Variants in ZNF569 observed in about 807,000 individuals in gnomAD.
ZNF569 encodes the protein DNA-binding protein.
ZNF569 carries 38 observed loss-of-function variants against 56.3 expected under a neutral mutation model. The observed-to-expected ratio is 0.68, with a 90% confidence interval of 0.52 to 0.88. ZNF569 has a LOEUF of 0.88. Among genes scored for constraint, ZNF569 ranks in the 40% least tolerant of loss-of-function variants. The pLI is 0.00. For missense variants in ZNF569, 666 were observed against 809.2 expected, an observed-to-expected ratio of 0.82 and a Z score of 2.15; for synonymous variants, 241 against 262.9, an observed-to-expected ratio of 0.92 and a Z score of 0.81.
At chr19:37,463,987 A>C (rs1484463431) in intron 2 of ZNF569, among the ~76,000 whole-genome samples, 2 of 152,186 alleles carry the variant, frequency 1.3e-5, no homozygotes, top group African/African-American at 4.8e-5. Flanking sequence ...AAAAAATTTA[A>C]AAGTTCATGA....
chr19:37,425,983 T>A lies in ZNF569; in HGVS notation c.143-20A>T. 2 of 1,612,256 alleles carry A rather than the reference T, an allele frequency of 1.2e-6. No homozygotes were observed. Among genetic ancestry groups the A allele is most frequent in the Non-Finnish European group, 1.7e-6 (2 of 1,178,528 alleles). ...GATAGCCTGTCAAAGGGAAGTTACA[T>A]AGATTTGGGCATACATACTAGGAAC... On this transcript the variant is annotated intron_variant, in intron 4 of 5. Transcript: ENST00000316950.
chr19:37,459,319 G>C (rs556826055), intron 2 of ZNF569, among the ~76,000 whole-genome samples: 65 of 151,722 alleles, frequency 4.3e-4, no homozygotes, highest in African/African-American at 1.5e-3. Context: ...AAGGAACCCA[G>C]AGAAAAGTAA....
intron 5 of ZNF569, chr19:37,425,663 C>A: frequency 2.3e-6 from 1 of 426,066 alleles, no homozygotes; most frequent in African/African-American, 2.0e-5. Context: ...TGAGGTCTCA[C>A]TATGTTGCCC....
intron 2 of ZNF569, among the ~76,000 whole-genome samples, chr19:37,456,839 G>T (rs568328648): frequency 6.6e-6 from 1 of 151,716 alleles, no homozygotes; most frequent in South Asian, 2.1e-4. Flanking sequence ...ATGGTGGCAG[G>T]CGCCTGTAAT....
chr19:37,434,373 G>C (rs2041275111), intron 3 of ZNF569, among the ~76,000 whole-genome samples: 1 of 151,028 alleles, frequency 6.6e-6, no homozygotes, highest in South Asian at 2.1e-4. Context: ...AATGTTTCAA[G>C]ACACAGTACA....
chr19:37,464,685 C>T (rs569657621), intron 2 of ZNF569, among the ~76,000 whole-genome samples: 2 of 152,234 alleles, frequency 1.3e-5, no homozygotes, highest in African/African-American at 4.8e-5. Context: ...TGTAAGTATA[C>T]TCCATGATGT....
In ZNF569 at chr19:37,412,575, AT is replaced by A; in HGVS notation, c.*21del. The A allele has an allele frequency of 6.4e-7, 1 of 1,551,324 alleles. No homozygotes were observed. The highest frequency in any genetic ancestry group is 8.7e-7 in the Non-Finnish European group (1 of 1,152,264). On this transcript the variant is annotated 3_prime_UTR_variant, in exon 6 of 6. Coordinates refer to ENST00000316950, the MANE Select transcript of ZNF569 (RefSeq NM_152484.3). ...TAATTCCTTCAGATGGCCTTGCCAT[AT>A]TCACAATATTCATAGGGTTTCTAAT... is the stretch of plus-strand genomic sequence containing the variant.
intron 5 of ZNF569, among the ~76,000 whole-genome samples, chr19:37,415,402 A>G (rs2040911637): frequency 6.6e-6 from 1 of 152,172 alleles, no homozygotes; most frequent in Non-Finnish European, 1.5e-5. Flanking sequence ...TAAAATAGGA[A>G]CAAATAACAT....
chr19:37,443,510 T>G (rs1028833681), intron 3 of ZNF569, among the ~76,000 whole-genome samples: 2 of 152,166 alleles, frequency 1.3e-5, no homozygotes, highest in African/African-American at 4.8e-5. Context: ...CTAGGTGATC[T>G]TCTAGGTACT....
At chr19:37,460,250 G>A (rs1301924505) in intron 2 of ZNF569, among the ~76,000 whole-genome samples, 1 of 152,056 alleles carries the variant, frequency 6.6e-6, no homozygotes, top group Non-Finnish European at 1.5e-5. Context: ...CTGGGTTCAA[G>A]CAATTCTCCT....
chr19:37,424,987 G>C lies in ZNF569; in HGVS notation c.238+881C>G, dbSNP rs540841289. On this transcript the variant is annotated intron_variant, in intron 5 of 5. Transcript: ENST00000316950. ...TACAAAAAATTAGCAGGGTGTGGTG[G>C]CACGTGCCTGTAGTCCCAGCTATCA... is the stretch of plus-strand genomic sequence containing the variant. Among the ~76,000 whole-genome samples, 11 of 151,498 alleles carry C rather than the reference G, an allele frequency of 7.3e-5. No individual in the cohort carries two copies. In the East Asian group the frequency reaches 2.2e-3, roughly 30 times the overall value.
At chr19:37,417,613 G>C (rs889518601) in intron 5 of ZNF569, among the ~76,000 whole-genome samples, 1 of 152,042 alleles carries the variant, frequency 6.6e-6, no homozygotes, top group Admixed American at 6.6e-5. Flanking sequence ...AGGAAACTAA[G>C]AAAAAGGCAT....
chr19:37,435,006 CGT>C (rs1283941504), intron 3 of ZNF569, among the ~76,000 whole-genome samples: 1 of 152,068 alleles, frequency 6.6e-6, no homozygotes, highest in African/African-American at 2.4e-5. Context: ...CACACGTGCG[CGT>C]GTGACACTTG....
At chr19:37,433,771 A>G (rs906245226) in intron 3 of ZNF569, among the ~76,000 whole-genome samples, 9 of 152,218 alleles carry the variant, frequency 5.9e-5, no homozygotes, top group African/African-American at 2.2e-4. Flanking sequence ...ACCTTCAAAC[A>G]TGAAGGAGAA....
chr19:37,414,967 C>T (rs901804230), intron 5 of ZNF569, among the ~76,000 whole-genome samples: 1 of 151,974 alleles, frequency 6.6e-6, no homozygotes, highest in Non-Finnish European at 1.5e-5. Flanking sequence ...AAAATTCTAA[C>T]AGATTTTAAA....
chr19:37,417,029 A>C (rs138944289), intron 5 of ZNF569, among the ~76,000 whole-genome samples: 1 of 152,198 alleles, frequency 6.6e-6, no homozygotes, highest in African/African-American at 2.4e-5. Flanking sequence ...ATGCGATACG[A>C]CTCGTGTTCT....
At chr19:37,458,966 A>G (rs1046248217) in intron 2 of ZNF569, among the ~76,000 whole-genome samples, 2 of 152,234 alleles carry the variant, frequency 1.3e-5, no homozygotes, top group African/African-American at 4.8e-5. Context: ...ACTTCAAAAG[A>G]AACTTCCCAA....
At chr19:37,456,471 C>A (rs1258851698) in intron 2 of ZNF569, among the ~76,000 whole-genome samples, 1 of 152,058 alleles carries the variant, frequency 6.6e-6, no homozygotes, top group Non-Finnish European at 1.5e-5. Context: ...TCTCTTAGGG[C>A]CCGTATGTTT....
intron 2 of ZNF569, among the ~76,000 whole-genome samples, chr19:37,454,592 T>C (rs1162293055): frequency 6.6e-6 from 1 of 152,166 alleles, no homozygotes; most frequent in African/African-American, 2.4e-5. Flanking sequence ...TATGCAGTGA[T>C]AGGGAAGATG....
Sources: gnomAD v4.1 joint callset for allele counts (sites outside exome capture counted in the v4.1 genomes callset) on GRCh38, gnomAD v4.1.1 for gene constraint, MANE v1.5 for transcripts, NCBI Gene and HGNC (gene_info 2026-07-23, HGNC 2026-07-21) for gene names.